The following RBPJ variants were observed in gnomAD, a reference collection of about 807,000 sequenced individuals.
RBPJ encodes the protein recombining binding protein suppressor of hairless.
In RBPJ, 9 loss-of-function variants were observed where a neutral mutation model predicts 67.8. The observed-to-expected ratio is 0.13, with a 90% CI of 0.08 to 0.23. The LOEUF (loss-of-function observed/expected upper bound fraction) is 0.23. RBPJ is among the 10% of genes least tolerant of loss of function. The pLI is 1.00. For missense variants in RBPJ, 305 were observed against 595.6 expected, an observed-to-expected ratio of 0.51 and a Z score of 5.08; for synonymous variants, 198 against 203.3, an observed-to-expected ratio of 0.97 and a Z score of 0.22.
intron 1 of RBPJ, among the ~76,000 whole-genome samples, chr4:26,375,349 T>A (rs2109572263): frequency 6.6e-6 from 1 of 151,714 alleles, no homozygotes; most frequent in South Asian, 2.1e-4. Flanking sequence ...ATGCAAAGTA[T>A]GTAATATAAT....
At chr4:26,209,613 C>T (rs113527657) in intron 1 of RBPJ, among the ~76,000 whole-genome samples, 63 of 110,520 alleles carry the variant, frequency 5.7e-4, no homozygotes, top group Non-Finnish European at 8.4e-4. Flanking sequence ...CTCTCTCCCT[C>T]CCTTCCTCCT....
chr4:26,316,545 ATG>A (rs1189962016), upstream of RBPJ, among the ~76,000 whole-genome samples: 4 of 135,870 alleles, frequency 2.9e-5, no homozygotes, highest in Admixed American at 2.3e-4. Flanking sequence ...ATATATATTC[ATG>A]TATATATTCA....
At chr4:26,209,102 T>A (rs866577640) in intron 1 of RBPJ, among the ~76,000 whole-genome samples, 1,593 of 142,968 alleles carry the variant, frequency 0.011, 20 homozygotes, top group Admixed American at 0.02. Flanking sequence ...AAAAAAAATA[T>A]ATATATATAT....
intron 1 of RBPJ, among the ~76,000 whole-genome samples, chr4:26,196,781 C>G (rs996534151): frequency 2.0e-5 from 3 of 152,330 alleles, no homozygotes; most frequent in Non-Finnish European, 2.9e-5. Flanking sequence ...GGAGCTCCCC[C>G]AGCCCTTCCT....
chr4:26,236,958 C>G (rs946738905), intron 1 of RBPJ, among the ~76,000 whole-genome samples: 6 of 152,156 alleles, frequency 3.9e-5, no homozygotes. Context: ...ACAACAGACT[C>G]CCTTGTGAAA....
Position 26,169,098 on chromosome 4 carries a change from G to C in RBPJ, c.-167+5484G>C, listed in dbSNP as rs1022324362. Among the ~76,000 whole-genome samples the C allele has an allele frequency of 8.5e-5, 13 of 152,236 alleles. No homozygotes were observed. In the East Asian group the frequency reaches 9.6e-4, roughly 11 times the overall value. Reference sequence around the variant, plus strand: ...TCAAAGTCATTCTCTGTCCAGCTTTGTTATGTTGCTGGTGAGGAACTGCGT... The same window carrying C: ...TCAAAGTCATTCTCTGTCCAGCTTTCTTATGTTGCTGGTGAGGAACTGCGT... On this transcript the variant is annotated intron_variant, in intron 1 of 4. Transcript: ENST00000512351.
rs1348512062 is a variant in RBPJ at position 26,210,700 on chromosome 4, T to TTTCTTTCTTTCTTTCTTTCTTTTC, written c.-167+47093_-167+47094insTTTCTTTCTTTCTTTTCTTCTTTC. Among the ~76,000 whole-genome samples, 2 of 59,850 alleles carry TTTCTTTCTTTCTTTCTTTCTTTTC rather than the reference T, an allele frequency of 3.3e-5. 1 individual carries two copies. Among genetic ancestry groups the TTTCTTTCTTTCTTTCTTTCTTTTC allele is most frequent in the Non-Finnish European group, 7.0e-5 (2 of 28,548 alleles). The allele number at this position is 59,850 out of a possible 152,430, so 39.3% of individuals were successfully genotyped here. Reference sequence around the variant, plus strand: ...TTTCTTTCTTTCCTTTCTTTCTTTCTTTCTTTCCTTCTTTCCTTCTTTCTT... The same window carrying TTTCTTTCTTTCTTTCTTTCTTTTC: ...TTTCTTTCTTTCCTTTCTTTCTTTCTTTCTTTCTTTCTTTCTTTCTTTTCTTCTTTCCTTCTTTCCTTCTTTCTT... On this transcript the variant is annotated intron_variant, in intron 1 of 4. Coordinates refer to the RBPJ transcript ENST00000512351.
Position 26,432,628 on chromosome 4 carries a change from A to G in RBPJ, c.*1621A>G, listed in dbSNP as rs918386211. Reference sequence around the variant, plus strand: ...AATTGCAGCAGACTCATTGGGCTACATTTAGTACAGGAACCACGTGTGTAA... The same window carrying G: ...AATTGCAGCAGACTCATTGGGCTACGTTTAGTACAGGAACCACGTGTGTAA... On this transcript the variant is annotated 3_prime_UTR_variant, in exon 11 of 11. Coordinates refer to ENST00000355476, the MANE Select transcript of RBPJ (RefSeq NM_015874.6). 3 of 152,180 alleles carry G rather than the reference A, an allele frequency of 2.0e-5. No homozygotes were observed. Among genetic ancestry groups the G allele is most frequent in the African/African-American group, 7.2e-5 (3 of 41,444 alleles). The allele number at this position is 152,180 out of a possible 1,614,324, so 9.4% of individuals were successfully genotyped here.
At chr4:26,231,496 CTG>C (rs1456577582) in intron 1 of RBPJ, among the ~76,000 whole-genome samples, 9 of 151,568 alleles carry the variant, frequency 5.9e-5, no homozygotes, top group Non-Finnish European at 1.0e-4. Context: ...ACTGCAACCT[CTG>C]CCTCCCAGGT....
rs1476741749 is a variant in RBPJ, at chr4:26,370,819, G to A, written c.21-15534G>A. 3.3e-5 allele frequency among the ~76,000 whole-genome samples: 5 copies of A among 151,998 alleles called. No homozygotes were observed. In the South Asian group the frequency reaches 6.2e-4, roughly 19 times the overall value. ...TTAGGGTCTGGGTACACTGGCTCAC[G>A]CCTGTAATCCCAGCACTTTGGGAGA... On this transcript the variant is annotated intron_variant, in intron 1 of 10. Transcript: ENST00000355476.
the RBPJ span, among the ~76,000 whole-genome samples, chr4:26,116,981 G>A: frequency 6.6e-6 from 1 of 152,176 alleles, no homozygotes; most frequent in East Asian, 1.9e-4. Context: ...TGGTAAAAAT[G>A]GCTTCGACTC....
chr4:26,387,884 G>C (rs1438570334), intron 2 of RBPJ, among the ~76,000 whole-genome samples: 2 of 152,208 alleles, frequency 1.3e-5, no homozygotes, highest in South Asian at 2.1e-4. Context: ...TTTTGTTTCA[G>C]TAGTGATATA....
At chr4:26,191,938 C>T (rs1717567671) in intron 1 of RBPJ, among the ~76,000 whole-genome samples, 1 of 152,170 alleles carries the variant, frequency 6.6e-6, no homozygotes, top group African/African-American at 2.4e-5. Flanking sequence ...GGATACCAAT[C>T]TCAGGCCTGC....
At position 26,280,309 on chromosome 4, in the gene RBPJ, T is replaced by C. The variant is rs1662331680; in HGVS notation, c.-166-82137T>C. Among the ~76,000 whole-genome samples, 3 of 149,800 alleles carry C rather than the reference T, an allele frequency of 2.0e-5. No individual in the cohort carries two copies. In the Admixed American group the frequency reaches 2.0e-4, roughly 10 times the overall value. ...TACTCAGGAGGCTGAGGCGGGAGAA[T>C]TGCTTTAACCCAGGAGGCAGAGGTT... On this transcript the variant is annotated intron_variant, in intron 1 of 4. Transcript: ENST00000512351.
chr4:26,328,409 TGG>T (rs1324375805), intron 1 of RBPJ, among the ~76,000 whole-genome samples: 8 of 152,152 alleles, frequency 5.3e-5, no homozygotes, highest in Non-Finnish European at 1.0e-4. Context: ...GCTCATGACT[TGG>T]TAGAGTGTAC....
intron 1 of RBPJ, chr4:26,362,396 A>C (rs893623005): frequency 1.8e-6 from 2 of 1,136,028 alleles, no homozygotes; most frequent in African/African-American, 3.1e-5. Flanking sequence ...GTGCACTAGC[A>C]GTTTAACATA....
chr4:26,263,877 T>TG (rs11390080), intron 1 of RBPJ, among the ~76,000 whole-genome samples: 8,684 of 150,094 alleles, frequency 0.058, 648 homozygotes, highest in African/African-American at 0.18. Context: ...GTCTTTTTTT[T>TG]TTTTGTTTTT....
rs138856348 is a variant in RBPJ at position 26,369,702 on chromosome 4, G to C, written c.21-16651G>C. Among the ~76,000 whole-genome samples the C allele has an allele frequency of 1.6e-3, 243 of 152,166 alleles. 1 individual carries two copies. Among genetic ancestry groups the C allele is most frequent in the African/African-American group, 5.7e-3 (235 of 41,526 alleles). Reference sequence around the variant, plus strand: ...ACCAGATTTGGTTTGTTAGGAGGTGGACAGTTGCCCTTTTATGGTCACTAG... The same window carrying C: ...ACCAGATTTGGTTTGTTAGGAGGTGCACAGTTGCCCTTTTATGGTCACTAG... On this transcript the variant is annotated intron_variant, in intron 1 of 10. Transcript: ENST00000355476.
At chr4:26,372,776 T>C (rs1048653287) in intron 1 of RBPJ, among the ~76,000 whole-genome samples, 2 of 152,010 alleles carry the variant, frequency 1.3e-5, no homozygotes, top group African/African-American at 4.8e-5. Flanking sequence ...GTAGAAGCAT[T>C]AATGAGCTTG....
Sources: gnomAD v4.1 joint callset for allele counts (sites outside exome capture counted in the v4.1 genomes callset) on GRCh38, gnomAD v4.1.1 for gene constraint, MANE v1.5 for transcripts, NCBI Gene and HGNC (gene_info 2026-07-23, HGNC 2026-07-21) for gene names.